Variants in FGF1 observed in about 807,000 individuals in gnomAD.
The protein encoded by FGF1 is beta-endothelial cell growth factor.
A neutral mutation model predicts 13.4 loss-of-function variants in FGF1; 9 were observed. The ratio of observed to expected loss-of-function variants is 0.67; its 90% CI spans 0.40 to 1.17. FGF1 has a LOEUF of 1.17. FGF1 is among the 50% of genes most tolerant of loss of function. FGF1 has a pLI of 0.01. For synonymous variants in FGF1, 93 were observed against 79.0 expected, an observed-to-expected ratio of 1.18 and a Z score of -0.94; for missense variants, 156 against 192.7, an observed-to-expected ratio of 0.81 and a Z score of 1.13.
rs971938518 is a variant in FGF1 at position 142,649,403 on chromosome 5, G to A, written c.-34-35242C>T. ...TTGCATTTATGTATAATCTCTAGGGGTGGACATTGTTTTTTTTTTTTGAGA... is the reference window on the plus strand; with the variant it reads ...TTGCATTTATGTATAATCTCTAGGGATGGACATTGTTTTTTTTTTTTGAGA... On this transcript the variant is annotated intron_variant, in intron 1 of 3. Coordinates refer to ENST00000337706, the MANE Select transcript of FGF1 (RefSeq NM_000800.5). Among the ~76,000 whole-genome samples, 8 of 150,130 alleles carry A rather than the reference G, an allele frequency of 5.3e-5. 1 individual carries two copies. The highest frequency in any genetic ancestry group is 2.0e-4 in the African/African-American group (8 of 39,962).
In FGF1 at chr5:142,667,607, AAG is replaced by A. The variant is rs1166644399; in HGVS notation, c.-35+18348_-35+18349del. ...TCTCAAAAAAAAAAAAAAAAAAAGA[AAG>A]AAATACAGCAAGGAAAAATCGCCGG... On this transcript the variant is annotated intron_variant, in intron 1 of 3. Coordinates refer to ENST00000337706, the MANE Select transcript of FGF1 (RefSeq NM_000800.5). 1.2e-3 allele frequency among the ~76,000 whole-genome samples: 184 copies of A among 151,804 alleles called. 1 individual carries two copies. The highest frequency in any genetic ancestry group is 4.2e-3 in the African/African-American group (173 of 41,370).
At chr5:142,610,005 G>C (rs1597100826) in intron 2 of FGF1, among the ~76,000 whole-genome samples, 1 of 152,208 alleles carries the variant, frequency 6.6e-6, no homozygotes. Flanking sequence ...GTTGGTGTCG[G>C]ATGGTTGTGG....
intron 1 of FGF1, among the ~76,000 whole-genome samples, chr5:142,624,772 G>C (rs1356952332): frequency 6.6e-6 from 1 of 152,078 alleles, no homozygotes; most frequent in Admixed American, 6.6e-5. Context: ...AAAAAGAAAA[G>C]AAAGAAAAAG....
In FGF1 at chr5:142,670,846, G is replaced by A. The variant is rs111828939; in HGVS notation, c.-35+15111C>T. Among the ~76,000 whole-genome samples the A allele has an allele frequency of 6.3e-4, 96 of 152,220 alleles. 1 individual carries two copies. Among genetic ancestry groups the A allele is most frequent in the African/African-American group, 2.1e-3 (88 of 41,516 alleles). On this transcript the variant is annotated intron_variant, in intron 1 of 3. Transcript: ENST00000337706. Reference sequence around the variant, plus strand: ...TATCTGTGATCTCTAGGGCCATTTCGGTTTTGAGAGCACACTATTGCACAT... The same window carrying A: ...TATCTGTGATCTCTAGGGCCATTTCAGTTTTGAGAGCACACTATTGCACAT...
At chr5:142,600,052 A>G (rs1467560881) in intron 3 of FGF1, among the ~76,000 whole-genome samples, 2 of 152,216 alleles carry the variant, frequency 1.3e-5, no homozygotes, top group Non-Finnish European at 2.9e-5. Flanking sequence ...TAAGAGACAC[A>G]CCTATAGCAC....
At chr5:142,639,410 A>G (rs1428308206) in intron 1 of FGF1, among the ~76,000 whole-genome samples, 2 of 152,072 alleles carry the variant, frequency 1.3e-5, no homozygotes, top group African/African-American at 4.8e-5. Context: ...AAATCCTGTC[A>G]TTTATGACAA....
At chr5:142,613,336 T>A (rs977438694) in intron 2 of FGF1, among the ~76,000 whole-genome samples, 8 of 152,240 alleles carry the variant, frequency 5.3e-5, no homozygotes, top group Non-Finnish European at 8.8e-5. Context: ...CAGGAAGTCC[T>A]GGAAGAGATA....
At chr5:142,683,585 G>T (rs968582932) in intron 1 of FGF1, among the ~76,000 whole-genome samples, 1 of 152,046 alleles carries the variant, frequency 6.6e-6, no homozygotes, top group South Asian at 2.1e-4. Flanking sequence ...CTAGCACTTT[G>T]GGAGGCCGGT....
intron 1 of FGF1, among the ~76,000 whole-genome samples, chr5:142,640,296 A>T (rs1454913545): frequency 6.6e-6 from 1 of 151,888 alleles, no homozygotes; most frequent in Admixed American, 6.5e-5. Flanking sequence ...TTATTCCTAT[A>T]GGGGGAGGTA....
chr5:142,650,435 G>A (rs1310130434), intron 1 of FGF1, among the ~76,000 whole-genome samples: 1 of 152,174 alleles, frequency 6.6e-6, no homozygotes, highest in Admixed American at 6.5e-5. Flanking sequence ...GGGAAGTTAT[G>A]TAGCCTCTCT....
At chr5:142,643,300 C>T (rs1341104930) in intron 1 of FGF1, among the ~76,000 whole-genome samples, 4 of 151,474 alleles carry the variant, frequency 2.6e-5, no homozygotes, top group African/African-American at 7.3e-5. Flanking sequence ...ACAAATTACA[C>T]ACACACACAC....
intron 2 of FGF1, among the ~76,000 whole-genome samples, chr5:142,606,218 CTGTGTG>C (rs61445131): frequency 1.6e-4 from 23 of 143,068 alleles, no homozygotes; most frequent in Non-Finnish European, 3.3e-4. Context: ...CTTTCTCTCT[CTGTGTG>C]TGTGTGTGTG....
At chr5:142,648,970 G>A (rs1348927181) in intron 1 of FGF1, among the ~76,000 whole-genome samples, 9 of 152,176 alleles carry the variant, frequency 5.9e-5, no homozygotes, top group East Asian at 1.9e-4. Context: ...CAGGACGGCC[G>A]AGAGAGGAAA....
intron 1 of FGF1, among the ~76,000 whole-genome samples, chr5:142,622,195 A>G (rs1302735225): frequency 6.6e-6 from 1 of 152,230 alleles, no homozygotes; most frequent in Non-Finnish European, 1.5e-5. Context: ...AAATGAATGT[A>G]ATTTAACTAC....
At chr5:142,659,231 GTT>G (rs11340338) in intron 1 of FGF1, among the ~76,000 whole-genome samples, 2,372 of 131,350 alleles carry the variant, frequency 0.018, 58 homozygotes, top group African/African-American at 0.064. Context: ...TCTTGCGTCA[GTT>G]TTTTTTTTTT....
At chr5:142,692,708 GAC>G (rs567647682) in intron 2 of FGF1, among the ~76,000 whole-genome samples, 4,973 of 146,218 alleles carry the variant, frequency 0.034, 293 homozygotes, top group African/African-American at 0.12. Flanking sequence ...CACACGCACA[GAC>G]ACACACACAC....
chr5:142,639,849 C>A (rs1215819207), intron 1 of FGF1, among the ~76,000 whole-genome samples: 3 of 151,916 alleles, frequency 2.0e-5, no homozygotes, highest in Non-Finnish European at 2.9e-5. Flanking sequence ...ATATGTGCAA[C>A]TTTTATTTGT....
chr5:142,606,212 C>CTG (rs1430289422), intron 2 of FGF1, among the ~76,000 whole-genome samples: 4 of 60,082 alleles, frequency 6.7e-5, no homozygotes, highest in African/African-American at 3.6e-4. Flanking sequence ...AACATTCTTT[C>CTG]TCTCTCTGTG....
At chr5:142,673,782 G>C (rs1026307596) in intron 1 of FGF1, among the ~76,000 whole-genome samples, 1 of 152,110 alleles carries the variant, frequency 6.6e-6, no homozygotes, top group Admixed American at 6.5e-5. Context: ...TTCTTTATAG[G>C]AGAATATCAA....
Sources: gnomAD v4.1 joint callset for allele counts (sites outside exome capture counted in the v4.1 genomes callset) on GRCh38, gnomAD v4.1.1 for gene constraint, MANE v1.5 for transcripts, NCBI Gene and HGNC (gene_info 2026-07-23, HGNC 2026-07-21) for gene names.